The following ZNF366 variants were observed in gnomAD, a reference collection of about 807,000 sequenced individuals.
ZNF366 encodes the protein zinc finger protein 366.
Under a neutral mutation model 47.2 loss-of-function variants are expected in ZNF366, and 20 were observed. That is an observed-to-expected ratio of 0.42 (90% CI 0.30 to 0.62). The LOEUF (loss-of-function observed/expected upper bound fraction) is 0.62. ZNF366 is among the 20% of genes least tolerant of loss of function. The probability of loss-of-function intolerance (pLI) is 0.16; values close to 1 mark genes in which losing one functional copy is unlikely to be tolerated. For synonymous variants in ZNF366, 421 were observed against 395.1 expected, an observed-to-expected ratio of 1.07 and a Z score of -0.78; for missense variants, 987 against 976.3, an observed-to-expected ratio of 1.01 and a Z score of -0.15.
chr5:72,479,458 G>T (rs1225832670), intron 1 of ZNF366, among the ~76,000 whole-genome samples: 1 of 151,768 alleles, frequency 6.6e-6, no homozygotes, highest in Non-Finnish European at 1.5e-5. Flanking sequence ...AATCCTGTAT[G>T]TCAAAAATCA....
chr5:72,487,794 G>T (rs1743920628), intron 1 of ZNF366, among the ~76,000 whole-genome samples: 1 of 152,164 alleles, frequency 6.6e-6, no homozygotes, highest in Non-Finnish European at 1.5e-5. Context: ...TGGGTATTTT[G>T]CAAAATGCAA....
At chr5:72,481,446 A>G (rs973825402) in intron 1 of ZNF366, among the ~76,000 whole-genome samples, 14 of 152,184 alleles carry the variant, frequency 9.2e-5, no homozygotes, top group Non-Finnish European at 1.9e-4. Flanking sequence ...TACTTATTAT[A>G]TATCTCTATG....
intron 3 of ZNF366, among the ~76,000 whole-genome samples, chr5:72,450,181 A>T (rs573431966): frequency 1.9e-4 from 29 of 152,362 alleles, no homozygotes; most frequent in African/African-American, 6.3e-4. Flanking sequence ...TCTCTTCATA[A>T]GATATTTTCA....
intron 3 of ZNF366, among the ~76,000 whole-genome samples, chr5:72,455,657 C>T (rs1252208482): frequency 6.6e-6 from 1 of 152,156 alleles, no homozygotes; most frequent in African/African-American, 2.4e-5. Flanking sequence ...CCCGTCAGCG[C>T]CTTGGGTTTT....
intron 1 of ZNF366, among the ~76,000 whole-genome samples, chr5:72,465,505 C>T (rs1170599609): frequency 4.6e-5 from 7 of 152,088 alleles, no homozygotes; most frequent in Non-Finnish European, 8.8e-5. Context: ...CAATGTGTAC[C>T]ACCCACATGC....
chr5:72,476,633 C>T (rs565332934), intron 1 of ZNF366, among the ~76,000 whole-genome samples: 27 of 152,270 alleles, frequency 1.8e-4, no homozygotes, highest in African/African-American at 6.5e-4. Context: ...ACAGCCATGG[C>T]AATGGCCATC....
intron 1 of ZNF366, among the ~76,000 whole-genome samples, chr5:72,466,078 A>C (rs946832437): frequency 5.9e-5 from 9 of 152,166 alleles, no homozygotes; most frequent in Non-Finnish European, 1.2e-4. Flanking sequence ...TCTGTTTTCT[A>C]AGCTGAAGCT....
chr5:72,464,290 C>T (rs1475105412), intron 1 of ZNF366, among the ~76,000 whole-genome samples: 1 of 152,134 alleles, frequency 6.6e-6, no homozygotes, highest in Non-Finnish European at 1.5e-5. Flanking sequence ...CGTGCTGTAG[C>T]TTATACTGGA....
intron 3 of ZNF366, among the ~76,000 whole-genome samples, chr5:72,447,988 A>G (rs1742992146): frequency 6.6e-6 from 1 of 152,206 alleles, no homozygotes; most frequent in Non-Finnish European, 1.5e-5. Context: ...ACACATGGTC[A>G]ACCACCAGAC....
intron 3 of ZNF366, among the ~76,000 whole-genome samples, chr5:72,450,921 G>GCCCA (rs1561190063): frequency 6.6e-6 from 1 of 152,214 alleles, no homozygotes; most frequent in East Asian, 1.9e-4. Flanking sequence ...CTTGGGTGGA[G>GCCCA]CCTGAGATGT....
chr5:72,498,808 G>A (rs535131173), intron 1 of ZNF366, among the ~76,000 whole-genome samples: 3 of 152,278 alleles, frequency 2.0e-5, no homozygotes, highest in South Asian at 2.1e-4. Context: ...TGTACCTAGC[G>A]ATAGCACTTC....
chr5:72,454,743 C>T (rs1029666874), intron 3 of ZNF366, among the ~76,000 whole-genome samples: 4 of 152,242 alleles, frequency 2.6e-5, no homozygotes, highest in African/African-American at 4.8e-5. Context: ...CCTGCTTGAA[C>T]CTCCATTGTA....
At chr5:72,496,665 C>T (rs573831313) in intron 1 of ZNF366, among the ~76,000 whole-genome samples, 1 of 152,218 alleles carries the variant, frequency 6.6e-6, no homozygotes, top group South Asian at 2.1e-4. Context: ...AGTAAAATGG[C>T]TGGGTTGTAT....
At chr5:72,455,884 G>A (rs980605203) in intron 3 of ZNF366, among the ~76,000 whole-genome samples, 1 of 151,626 alleles carries the variant, frequency 6.6e-6, no homozygotes, top group African/African-American at 2.4e-5. Flanking sequence ...CCCTCTCACC[G>A]TCTCTAGGAG....
rs1363536204 is a variant in ZNF366 at position 72,461,172 on chromosome 5, G to A, written c.325C>T (p.Leu109Phe). The A allele has an allele frequency of 1.2e-6, 2 of 1,614,168 alleles. No homozygotes were observed. Among genetic ancestry groups the A allele is most frequent in the Admixed American group, 1.7e-5 (1 of 60,030 alleles). Reference sequence around the variant, plus strand: ...GGGAACAGCAAAGGGAGGTTGGGAAGGCCGTGGTTTTTGTTCTCCTCTGAG... The same window carrying A: ...GGGAACAGCAAAGGGAGGTTGGGAAAGCCGTGGTTTTTGTTCTCCTCTGAG... Reference protein sequence around the residue: ...LHSEENKNHGLPNLPLLFPQP... With the variant: ...LHSEENKNHGFPNLPLLFPQP... Residue 109 changes from leucine to phenylalanine, a missense_variant, in exon 2 of 5, where the codon CTT becomes TTT. Physicochemically the swap from Leu to Phe is conservative, Grantham distance 22. Around this residue, in one of 3 missense-constraint regions of ZNF366, gnomAD observed 591 missense variants for 560.9 expected, o/e 1.05. Transcript: ENST00000318442.
rs1366807595 is a variant in ZNF366, at chr5:72,442,456, A to T, written c.*1300T>A. On this transcript the variant is annotated 3_prime_UTR_variant, in exon 5 of 5. Transcript: ENST00000318442. ...GGTTTTTTTTTAAAGGTCACCCCAG[A>T]TGCTTCTAATGTACAGCCAGCACTG... The T allele has an allele frequency of 6.6e-6, 1 of 152,036 alleles. No homozygotes were observed. 9.4% of individuals were successfully genotyped at this position (152,036 alleles called of 1,614,324 possible).
chr5:72,497,478 C>A (rs1479890632), intron 1 of ZNF366, among the ~76,000 whole-genome samples: 2 of 152,108 alleles, frequency 1.3e-5, no homozygotes, highest in Admixed American at 6.5e-5. Context: ...TATGTTCCCT[C>A]ATTTAGTAGG....
intron 1 of ZNF366, among the ~76,000 whole-genome samples, chr5:72,465,632 A>T (rs901191250): frequency 2.6e-4 from 40 of 152,286 alleles, no homozygotes; most frequent in African/African-American, 9.4e-4. Context: ...AAACATGAGG[A>T]GGTGGGGCAA....
At chr5:72,451,957 G>A (rs1479072233) in intron 3 of ZNF366, among the ~76,000 whole-genome samples, 3 of 152,332 alleles carry the variant, frequency 2.0e-5, no homozygotes, top group Middle Eastern at 6.8e-3. Context: ...CACTTGCCAT[G>A]AACCCCAGTG....
Sources: allele counts gnomAD v4.1 joint callset (sites outside exome capture counted in the v4.1 genomes callset), GRCh38; gene constraint gnomAD v4.1.1; regional missense constraint gnomAD v4.1.1; transcripts MANE v1.5; gene names NCBI Gene and HGNC (gene_info 2026-07-23, HGNC 2026-07-21).